The following RNLS variants were observed in gnomAD, a reference collection of about 807,000 sequenced individuals.
RNLS encodes the protein renalase, FAD dependent amine oxidase.
RNLS carries 39 observed loss-of-function variants against 39.8 expected under a neutral mutation model. That is an observed-to-expected ratio of 0.98 (90% confidence interval 0.76 to 1.28). RNLS has a LOEUF of 1.28. Among genes scored for constraint, RNLS ranks in the 50% most tolerant of loss-of-function variants. The pLI is 0.00. For missense variants in RNLS, 410 were observed against 413.3 expected (o/e 0.99, Z 0.07); for synonymous variants, 147 against 150.7 (o/e 0.98, Z 0.18).
In RNLS at chr10:88,457,946, T is replaced by C. The variant is rs143450884; in HGVS notation, c.527-95221A>G. ...CTACCTTGGAAACATGAGCAATCAA[T>C]GTGCTGACCTTTCTTCCTGGAGAGT... On this transcript the variant is annotated intron_variant, in intron 4 of 6. Coordinates refer to ENST00000331772, the MANE Select transcript of RNLS (RefSeq NM_001031709.3). Among the ~76,000 whole-genome samples, 1,276 of 152,340 alleles carry C rather than the reference T, an allele frequency of 8.4e-3. 10 individuals are homozygous for C. The highest frequency in any genetic ancestry group is 0.013 in the Admixed American group (202 of 15,296).
the RNLS span, among the ~76,000 whole-genome samples, chr10:88,210,538 A>G: frequency 6.6e-6 from 1 of 152,190 alleles, no homozygotes; most frequent in Non-Finnish European, 1.5e-5. Context: ...AGTATTTGCA[A>G]ACTGGCTGGG....
At chr10:88,248,469 C>T in the RNLS span, among the ~76,000 whole-genome samples, 6 of 152,270 alleles carry the variant, frequency 3.9e-5, no homozygotes, top group South Asian at 4.2e-4. Flanking sequence ...AGAAAGATCA[C>T]ACAGCAGGTA....
intron 4 of RNLS, among the ~76,000 whole-genome samples, chr10:88,526,158 C>T (rs1335351235): frequency 6.6e-6 from 1 of 151,866 alleles, no homozygotes; most frequent in African/African-American, 2.4e-5. Flanking sequence ...CCAAGTAGGT[C>T]TTTTGATTTT....
At chr10:88,261,555 G>A in the RNLS span, among the ~76,000 whole-genome samples, 1 of 152,132 alleles carries the variant, frequency 6.6e-6, no homozygotes, top group Admixed American at 6.5e-5. Flanking sequence ...AGTGACACAT[G>A]TCACTTCTGC....
chr10:88,366,391 TA>T (rs1286570272), intron 4 of RNLS, among the ~76,000 whole-genome samples: 1 of 151,706 alleles, frequency 6.6e-6, no homozygotes, highest in Non-Finnish European at 1.5e-5. Context: ...AGTCTTAGAT[TA>T]GAGAGAACAG....
chr10:88,320,801 C>G (rs1278518618), intron 5 of RNLS, among the ~76,000 whole-genome samples: 1 of 148,296 alleles, frequency 6.7e-6, no homozygotes, highest in Non-Finnish European at 1.5e-5. Flanking sequence ...ATTTAGAAAA[C>G]AAATACTACT....
chr10:88,285,402 G>A lies in RNLS; in HGVS notation c.981C>T (p.Cys327=), dbSNP rs1381886466. The A allele has an allele frequency of 4.3e-6, 7 of 1,612,592 alleles. No individual in the cohort carries two copies. The highest frequency in any genetic ancestry group is 1.3e-5 in the African/African-American group (1 of 74,832). The change falls in exon 7 of 7, where the codon TGC becomes TGT. Residue 327 remains cysteine, a synonymous_variant. Transcript: ENST00000331772. ...CCAGAACACATAGGGCAGAAGTGAT[G>A]CAGCCATCAAAGTTGGACTGAGTAA... The part of the protein sequence containing the change: ...DGFTQSNFDG[C]ITSALCVLEA...
intron 4 of RNLS, among the ~76,000 whole-genome samples, chr10:88,382,190 T>C (rs973273132): frequency 2.0e-5 from 3 of 152,110 alleles, no homozygotes; most frequent in Non-Finnish European, 2.9e-5. Context: ...AAACTGCCAT[T>C]TCATACCTAT....
downstream of RNLS, among the ~76,000 whole-genome samples, chr10:88,273,483 AT>A (rs1475165412): frequency 6.6e-6 from 1 of 152,212 alleles, no homozygotes; most frequent in Non-Finnish European, 1.5e-5. Flanking sequence ...ATCACAAAAA[AT>A]ATCCCAGATA....
intron 4 of RNLS, among the ~76,000 whole-genome samples, chr10:88,372,581 A>C (rs1449284811): frequency 6.6e-6 from 1 of 152,168 alleles, no homozygotes; most frequent in Non-Finnish European, 1.5e-5. Context: ...GATTAGAAAA[A>C]AATGAACATT....
At chr10:88,383,122 A>G (rs986227037) in intron 4 of RNLS, among the ~76,000 whole-genome samples, 8 of 152,050 alleles carry the variant, frequency 5.3e-5, no homozygotes, top group Non-Finnish European at 8.8e-5. Flanking sequence ...ACTTTTGCGG[A>G]CTTAACCATC....
intron 4 of RNLS, among the ~76,000 whole-genome samples, chr10:88,452,458 TC>T (rs934700930): frequency 4.6e-5 from 7 of 152,150 alleles, no homozygotes; most frequent in African/African-American, 1.7e-4. Flanking sequence ...TAGGGAGAAT[TC>T]CCTGAAAGGA....
the RNLS span, among the ~76,000 whole-genome samples, chr10:88,268,692 C>G: frequency 6.6e-6 from 1 of 152,206 alleles, no homozygotes; most frequent in Admixed American, 6.5e-5. Context: ...TAACTTTATT[C>G]TTGACCTTCC....
At chr10:88,376,308 G>A (rs1229248750) in intron 4 of RNLS, among the ~76,000 whole-genome samples, 1 of 151,968 alleles carries the variant, frequency 6.6e-6, no homozygotes, top group Non-Finnish European at 1.5e-5. Context: ...AATCCCTTTA[G>A]TGAAAAAAGG....
the RNLS span, among the ~76,000 whole-genome samples, chr10:88,258,034 T>G: frequency 4.6e-5 from 7 of 152,312 alleles, no homozygotes; most frequent in Middle Eastern, 3.4e-3. Context: ...CTGGATAAAG[T>G]TCAGGAAACT....
chr10:88,473,949 A>G (rs1457392893), intron 4 of RNLS, among the ~76,000 whole-genome samples: 2 of 152,170 alleles, frequency 1.3e-5, no homozygotes, highest in African/African-American at 4.8e-5. Context: ...GTTCCAGAAT[A>G]TGCAGCTTTC....
intron 5 of RNLS, among the ~76,000 whole-genome samples, chr10:88,337,235 A>T (rs1847569531): frequency 6.6e-6 from 1 of 152,214 alleles, no homozygotes; most frequent in African/African-American, 2.4e-5. Flanking sequence ...GAGGGATGGC[A>T]TGATGTAGTG....
intron 5 of RNLS, among the ~76,000 whole-genome samples, chr10:88,334,315 T>C (rs916053739): frequency 5.9e-5 from 9 of 152,212 alleles, no homozygotes; most frequent in African/African-American, 2.2e-4. Flanking sequence ...TGTGGCATTT[T>C]TGCATACAAA....
intron 6 of RNLS, among the ~76,000 whole-genome samples, chr10:88,291,969 T>C (rs2132886588): frequency 6.6e-6 from 1 of 152,236 alleles, no homozygotes; most frequent in South Asian, 2.1e-4. Flanking sequence ...TACAAAATTG[T>C]ATGCTAAAAA....
Sources: gnomAD v4.1 joint callset for allele counts (sites outside exome capture counted in the v4.1 genomes callset) on GRCh38, gnomAD v4.1.1 for gene constraint, MANE v1.5 for transcripts, NCBI Gene and HGNC (gene_info 2026-07-23, HGNC 2026-07-21) for gene names.